Variants in TXNDC16 observed in about 807,000 individuals in gnomAD.
TXNDC16 encodes the protein thioredoxin domain containing 16.
TXNDC16 carries 74 observed loss-of-function variants against 85.6 expected under a neutral mutation model. The ratio of observed to expected loss-of-function variants is 0.86; its 90% CI spans 0.72 to 1.05. The LOEUF (loss-of-function observed/expected upper bound fraction) is 1.05, where lower values mean the gene tolerates loss of function less well. TXNDC16 is among the 50% of genes least tolerant of loss of function. The pLI is 0.00. For missense variants in TXNDC16, 959 were observed against 947.0 expected, an observed-to-expected ratio of 1.01 and a Z score of -0.17; for synonymous variants, 335 against 326.5, an observed-to-expected ratio of 1.03 and a Z score of -0.28.
intron 14 of TXNDC16, among the ~76,000 whole-genome samples, chr14:52,473,383 C>T (rs923726547): frequency 1.3e-5 from 2 of 152,054 alleles, no homozygotes; most frequent in African/African-American, 4.8e-5. Context: ...ATTTTGCCAC[C>T]CAAGTATGGA....
intron 18 of TXNDC16, among the ~76,000 whole-genome samples, chr14:52,444,871 AG>A (rs2035242695): frequency 6.6e-6 from 1 of 152,142 alleles, no homozygotes; most frequent in Non-Finnish European, 1.5e-5. Flanking sequence ...ATTACCTAAA[AG>A]GATGTTCCCT....
At chr14:52,523,511 A>G (rs2037260100) in intron 6 of TXNDC16, among the ~76,000 whole-genome samples, 1 of 152,114 alleles carries the variant, frequency 6.6e-6, no homozygotes, top group Admixed American at 6.5e-5. Flanking sequence ...AACCCCCAGG[A>G]AAAAAAAGAC....
chr14:52,430,747 T>G lies in TXNDC16; in HGVS notation c.*1557A>C, dbSNP rs1227397323. On this transcript the variant is annotated 3_prime_UTR_variant, in exon 21 of 21. Coordinates refer to ENST00000281741, the MANE Select transcript of TXNDC16 (RefSeq NM_020784.3). ...TAATAATTAGGCTAATGATGTTTTA[T>G]TACTACAACCTATATTTAGAGTTCA... The G allele has an allele frequency of 6.6e-6, 1 of 152,238 alleles. No individual in the cohort carries two copies. Among genetic ancestry groups the G allele is most frequent in the Non-Finnish European group, 1.5e-5 (1 of 68,042 alleles). The allele number at this position is 152,238 out of a possible 1,614,324, so 9.4% of individuals were successfully genotyped here. A position where few individuals can be genotyped will look rare whatever the true frequency, so the allele number is the denominator to read the frequency against.
intron 20 of TXNDC16, among the ~76,000 whole-genome samples, chr14:52,438,316 A>C (rs1006317196): frequency 4.6e-5 from 7 of 152,216 alleles, no homozygotes; most frequent in Non-Finnish European, 8.8e-5. Flanking sequence ...TTTTGTGAAA[A>C]GAAAGGTCAA....
At chr14:52,476,220 A>C (rs1396236171) in intron 14 of TXNDC16, among the ~76,000 whole-genome samples, 1 of 152,172 alleles carries the variant, frequency 6.6e-6, no homozygotes. Flanking sequence ...GAGCCTACCC[A>C]CATGAGAAGG....
intron 14 of TXNDC16, among the ~76,000 whole-genome samples, chr14:52,477,893 T>C (rs1445467480): frequency 6.6e-6 from 1 of 152,034 alleles, no homozygotes; most frequent in East Asian, 1.9e-4. Flanking sequence ...CAACAGCACA[T>C]GGAACTTTCT....
chr14:52,504,222 C>G (rs1454798400), intron 9 of TXNDC16, among the ~76,000 whole-genome samples: 1 of 152,084 alleles, frequency 6.6e-6, no homozygotes, highest in Non-Finnish European at 1.5e-5. Flanking sequence ...ACAGAGAACA[C>G]CACAAACATA....
chr14:52,536,022 T>C (rs1280571171), intron 6 of TXNDC16, among the ~76,000 whole-genome samples: 1 of 151,542 alleles, frequency 6.6e-6, no homozygotes, highest in Non-Finnish European at 1.5e-5. Flanking sequence ...AGACTCCATC[T>C]CAAAACAAAA....
At chr14:52,511,040 C>T (rs908853109) in intron 9 of TXNDC16, among the ~76,000 whole-genome samples, 200 bp downstream of exon 9, 5 of 152,068 alleles carry the variant, frequency 3.3e-5, no homozygotes, top group African/African-American at 1.2e-4. Context: ...AACAGTCTAT[C>T]TTCTATTCTA....
chr14:52,484,203 G>A (rs564970656), intron 12 of TXNDC16, among the ~76,000 whole-genome samples: 2 of 150,670 alleles, frequency 1.3e-5, no homozygotes, highest in Non-Finnish European at 3.0e-5. Context: ...CAATAAGGGG[G>A]GGGGGTGATT....
At chr14:52,472,057 AC>A (rs1316570297) in intron 14 of TXNDC16, among the ~76,000 whole-genome samples, 1 of 151,612 alleles carries the variant, frequency 6.6e-6, no homozygotes, top group Non-Finnish European at 1.5e-5. Context: ...ATATTTTATC[AC>A]CAAATGTTTT....
intron 12 of TXNDC16, among the ~76,000 whole-genome samples, chr14:52,485,339 TAAGTTTAATGTTATC>T (rs2036244487): frequency 6.6e-6 from 1 of 152,254 alleles, no homozygotes; most frequent in South Asian, 2.1e-4. Flanking sequence ...GTTTGTGCTT[TAAGTTTAATGTTATC>T]ACAAAACAGT....
chr14:52,492,093 A>T (rs574940787), intron 9 of TXNDC16, among the ~76,000 whole-genome samples: 1 of 151,978 alleles, frequency 6.6e-6, no homozygotes, highest in Non-Finnish European at 1.5e-5. Context: ...CCCCTCCCCA[A>T]CTCTATGAGT....
intron 14 of TXNDC16, among the ~76,000 whole-genome samples, chr14:52,480,192 T>G (rs954024638): frequency 6.6e-6 from 1 of 152,014 alleles, no homozygotes; most frequent in Non-Finnish European, 1.5e-5. Context: ...ATCTAAGACC[T>G]GAAACTATAA....
At chr14:52,543,987 C>T (rs951617846) in intron 2 of TXNDC16, among the ~76,000 whole-genome samples, 1 of 151,808 alleles carries the variant, frequency 6.6e-6, no homozygotes, top group East Asian at 1.9e-4. Flanking sequence ...AAGAAATAAT[C>T]GAATAATTAT....
At position 52,488,357 on chromosome 14, in the gene TXNDC16, C is replaced by T. The variant is rs368915591; in HGVS notation, c.1108+6G>A. The T allele has an allele frequency of 2.5e-6, 4 of 1,612,832 alleles. No homozygotes were observed. Among genetic ancestry groups the T allele is most frequent in the South Asian group, 1.1e-5 (1 of 90,962 alleles). On this transcript the variant is annotated splice_donor_region_variant and intron_variant, in intron 12 of 20. Coordinates refer to ENST00000281741, the MANE Select transcript of TXNDC16 (RefSeq NM_020784.3). ...TGGGGAAGGGGTGAGAATCATAACA[C>T]ATTACCTATATCTGGACCTTCCATG...
At chr14:52,508,379 T>C (rs1407055759) in intron 9 of TXNDC16, among the ~76,000 whole-genome samples, 2 of 152,056 alleles carry the variant, frequency 1.3e-5, no homozygotes, top group African/African-American at 2.4e-5. Context: ...CCGTCTCACA[T>C]CAGTTAGAAT....
chr14:52,474,593 G>A (rs1211657599), intron 14 of TXNDC16, among the ~76,000 whole-genome samples: 2 of 152,120 alleles, frequency 1.3e-5, no homozygotes, highest in South Asian at 2.1e-4. Flanking sequence ...AGCCAAGCAC[G>A]GTGGTGCACA....
chr14:52,530,288 T>A (rs1446399865), intron 6 of TXNDC16, among the ~76,000 whole-genome samples: 2 of 47,918 alleles, frequency 4.2e-5, no homozygotes, highest in Non-Finnish European at 6.5e-5. Context: ...AATATATAAT[T>A]ATTATATATA....
Sources: gnomAD v4.1 joint callset for allele counts (sites outside exome capture counted in the v4.1 genomes callset) on GRCh38, gnomAD v4.1.1 for gene constraint, MANE v1.5 for transcripts, NCBI Gene and HGNC (gene_info 2026-07-23, HGNC 2026-07-21) for gene names.